Variants in TACR3 observed in about 807,000 individuals in gnomAD.
TACR3 encodes the protein tachykinin receptor 3.
A neutral mutation model predicts 35.0 loss-of-function variants in TACR3; 34 were observed. The ratio of observed to expected loss-of-function variants is 0.97; its 90% CI spans 0.74 to 1.30. The LOEUF (loss-of-function observed/expected upper bound fraction) is 1.30, where lower values mean the gene tolerates loss of function less well. TACR3 is among the 50% of genes most tolerant of loss of function. The pLI is 0.00. For synonymous variants in TACR3, 233 were observed against 221.1 expected (o/e 1.05, Z -0.48); for missense variants, 558 against 591.7 (o/e 0.94, Z 0.59).
At chr4:103,594,384 G>A (rs1055281564) in intron 3 of TACR3, among the ~76,000 whole-genome samples, 8 of 151,966 alleles carry the variant, frequency 5.3e-5, no homozygotes, top group African/African-American at 1.9e-4. Flanking sequence ...TACCATAGTG[G>A]CCAGGCTTGT....
At chr4:103,709,310 G>T (rs144540880) in intron 1 of TACR3, among the ~76,000 whole-genome samples, 2 of 152,150 alleles carry the variant, frequency 1.3e-5, no homozygotes, top group African/African-American at 4.8e-5. Context: ...CGGATCTCTT[G>T]GCAGAAACTC....
intron 1 of TACR3, among the ~76,000 whole-genome samples, chr4:103,715,481 A>G (rs1723070141): frequency 6.6e-6 from 1 of 152,118 alleles, no homozygotes; most frequent in South Asian, 2.1e-4. Context: ...TGCTTCCTGT[A>G]TAGCCTGGGG....
chr4:103,696,165 A>AT (rs957747172), intron 1 of TACR3, among the ~76,000 whole-genome samples: 34 of 151,604 alleles, frequency 2.2e-4, no homozygotes, highest in East Asian at 1.7e-3. Flanking sequence ...TTAGGCTGTG[A>AT]TTTTTTTTTA....
intron 3 of TACR3, among the ~76,000 whole-genome samples, chr4:103,613,844 CTCT>C (rs942270458): frequency 4.8e-4 from 73 of 152,090 alleles, no homozygotes; most frequent in Middle Eastern, 3.4e-3. Context: ...CTCACATTAC[CTCT>C]TTTTTTTTGG....
chr4:103,601,326 C>A (rs146670858), intron 3 of TACR3, among the ~76,000 whole-genome samples: 2,589 of 151,838 alleles, frequency 0.017, 90 homozygotes, highest in African/African-American at 0.06. Context: ...ACTGATGGGT[C>A]TTGACGCTAT....
intron 1 of TACR3, among the ~76,000 whole-genome samples, chr4:103,694,126 CT>C (rs151278595): frequency 6.6e-6 from 1 of 151,888 alleles, no homozygotes; most frequent in Non-Finnish European, 1.5e-5. Context: ...TTTCAGAAGC[CT>C]TTTTTTCCCT....
intron 3 of TACR3, among the ~76,000 whole-genome samples, chr4:103,635,356 T>G (rs940966699): frequency 6.6e-6 from 1 of 151,942 alleles, no homozygotes; most frequent in Non-Finnish European, 1.5e-5. Context: ...GACTGGAGTC[T>G]TATCAACTGA....
intron 3 of TACR3, among the ~76,000 whole-genome samples, chr4:103,639,513 G>T (rs1287226828): frequency 6.6e-6 from 1 of 151,920 alleles, no homozygotes; most frequent in Non-Finnish European, 1.5e-5. Context: ...AATGGGTGCA[G>T]CACACCAACA....
In TACR3 at chr4:103,671,092, G is replaced by C. The variant is rs145148517; in HGVS notation, c.549-12689C>G. Among the ~76,000 whole-genome samples the C allele has an allele frequency of 2.6e-5, 4 of 151,990 alleles. No homozygotes were observed. The East Asian group carries it at 7.7e-4, about 29-fold the overall frequency. ...TCATCTATTTTTTGTCTTTCATTCTGTTGATGTAATGTTTCATGTTTATGG... is the reference window on the plus strand; with the variant it reads ...TCATCTATTTTTTGTCTTTCATTCTCTTGATGTAATGTTTCATGTTTATGG... On this transcript the variant is annotated intron_variant, in intron 1 of 4. Coordinates refer to ENST00000304883, the MANE Select transcript of TACR3 (RefSeq NM_001059.3).
chr4:103,700,769 C>T (rs539239929), intron 1 of TACR3, among the ~76,000 whole-genome samples: 35 of 152,248 alleles, frequency 2.3e-4, no homozygotes, highest in African/African-American at 8.4e-4. Context: ...TAAACATAAT[C>T]CAGCGTATAA....
chr4:103,623,373 A>C (rs1337328214), intron 3 of TACR3, among the ~76,000 whole-genome samples: 2 of 151,826 alleles, frequency 1.3e-5, no homozygotes, highest in African/African-American at 4.8e-5. Context: ...ACACCCTGGG[A>C]TTTTTCTCTA....
chr4:103,701,237 C>G (rs920640014), intron 1 of TACR3, among the ~76,000 whole-genome samples: 8 of 151,994 alleles, frequency 5.3e-5, no homozygotes, highest in Admixed American at 5.2e-4. Context: ...AAATCACAAG[C>G]ATTCTTATAC....
Position 103,589,638 on chromosome 4 carries a change from C to T in TACR3, c.*44G>A, listed in dbSNP as rs759688269. 6.8e-6 allele frequency: 11 copies of T among 1,609,312 alleles called. No individual in the cohort carries two copies. The highest frequency in any genetic ancestry group is 9.4e-6 in the Non-Finnish European group (11 of 1,176,224). ...ATAGGAGAATGGGGTCCTAGACTGGCACCATGATGGTCTCACACTAATCTT... is the reference window on the plus strand; with the variant it reads ...ATAGGAGAATGGGGTCCTAGACTGGTACCATGATGGTCTCACACTAATCTT... On this transcript the variant is annotated 3_prime_UTR_variant, in exon 5 of 5. Coordinates refer to ENST00000304883, the MANE Select transcript of TACR3 (RefSeq NM_001059.3).
chr4:103,630,391 G>T (rs958013242), intron 3 of TACR3, among the ~76,000 whole-genome samples: 2 of 152,188 alleles, frequency 1.3e-5, no homozygotes, highest in African/African-American at 4.8e-5. Context: ...TACCATCAGA[G>T]TGAATAGGCA....
chr4:103,628,428 A>C (rs1672075228), intron 3 of TACR3, among the ~76,000 whole-genome samples: 1 of 152,302 alleles, frequency 6.6e-6, no homozygotes, highest in African/African-American at 2.4e-5. Context: ...GAAAAGGGAG[A>C]GGAATCAAAT....
chr4:103,700,555 C>A (rs2110223041), intron 1 of TACR3, among the ~76,000 whole-genome samples: 1 of 152,272 alleles, frequency 6.6e-6, no homozygotes, highest in Admixed American at 6.5e-5. Flanking sequence ...TTCTATTACT[C>A]CAAACAGGTG....
At chr4:103,629,272 G>A (rs1724986656) in intron 3 of TACR3, among the ~76,000 whole-genome samples, 1 of 152,046 alleles carries the variant, frequency 6.6e-6, no homozygotes, top group Admixed American at 6.6e-5. Context: ...TCAACATAGT[G>A]TTGGAAGTTC....
chr4:103,616,314 GTGTGTT>G (rs1724659684), intron 3 of TACR3, among the ~76,000 whole-genome samples: 1 of 151,910 alleles, frequency 6.6e-6, no homozygotes, highest in South Asian at 2.1e-4. Flanking sequence ...GTGTGTGTGT[GTGTGTT>G]TGTGTATCAC....
At chr4:103,629,271 T>G (rs1578233534) in intron 3 of TACR3, among the ~76,000 whole-genome samples, 1 of 152,070 alleles carries the variant, frequency 6.6e-6, no homozygotes, top group Non-Finnish European at 1.5e-5. Flanking sequence ...TTCAACATAG[T>G]GTTGGAAGTT....
Sources: allele counts gnomAD v4.1 joint callset (sites outside exome capture counted in the v4.1 genomes callset), GRCh38; gene constraint gnomAD v4.1.1; transcripts MANE v1.5; gene names NCBI Gene and HGNC (gene_info 2026-07-23, HGNC 2026-07-21).